Variants in SOX6 observed in about 807,000 individuals in gnomAD.
The protein encoded by SOX6 is transcription factor SOX-6.
Under a neutral mutation model 97.8 loss-of-function variants are expected in SOX6, and 11 were observed. The ratio of observed to expected loss-of-function variants is 0.11; its 90% confidence interval spans 0.07 to 0.19. The LOEUF is 0.19. Ranked by LOEUF, SOX6 falls within the 10% of genes least tolerant of loss-of-function variation. SOX6 has a pLI of 1.00. For missense variants in SOX6, 810 were observed against 1,039.5 expected, an observed-to-expected ratio of 0.78 and a Z score of 3.04; for synonymous variants, 360 against 371.4, an observed-to-expected ratio of 0.97 and a Z score of 0.35.
chr11:16,248,276 G>A (rs1853400074), intron 3 of SOX6, among the ~76,000 whole-genome samples: 1 of 112,168 alleles, frequency 8.9e-6, no homozygotes, highest in South Asian at 3.3e-4. Flanking sequence ...AGTGCAAGCT[G>A]TCGGTGGATC....
chr11:16,485,066 A>G (rs1860405843), intron 4 of SOX6, among the ~76,000 whole-genome samples: 1 of 152,090 alleles, frequency 6.6e-6, no homozygotes, highest in Admixed American at 6.5e-5. Flanking sequence ...GGATCAAGAC[A>G]TTTCTGGGTC....
intron 4 of SOX6, among the ~76,000 whole-genome samples, chr11:16,593,136 T>C (rs1337583271): frequency 6.6e-6 from 1 of 151,490 alleles, no homozygotes; most frequent in African/African-American, 2.4e-5. Flanking sequence ...CCTCACCAAT[T>C]TGAAAAAAAA....
At chr11:16,290,968 C>T (rs1452921673) in intron 3 of SOX6, among the ~76,000 whole-genome samples, 1 of 151,932 alleles carries the variant, frequency 6.6e-6, no homozygotes, top group Non-Finnish European at 1.5e-5. Context: ...ACCTGCACCT[C>T]GGGGAAGCTT....
intron 1 of SOX6, among the ~76,000 whole-genome samples, chr11:16,379,224 T>A (rs1649553408): frequency 6.6e-6 from 1 of 152,102 alleles, no homozygotes; most frequent in African/African-American, 2.4e-5. Flanking sequence ...CCCAACACTT[T>A]GGGAGGCTGA....
At position 16,132,416 on chromosome 11, in the gene SOX6, A is replaced by AG. The variant is rs1491540475; in HGVS notation, c.778-20494dup. 1.3e-4 allele frequency among the ~76,000 whole-genome samples: 15 copies of AG among 111,432 alleles called. 1 individual carries two copies. Among genetic ancestry groups the AG allele is most frequent in the African/African-American group, 4.9e-4 (12 of 24,290 alleles). The allele number at this position is 111,432 out of a possible 152,430, so 73.1% of individuals were successfully genotyped here. ...AAAGAAAGAAAAAAGAAAGAAAGAA[A>AG]GAAAGAAAGAAAGAAAGAAAGAAAG... is the stretch of plus-strand genomic sequence containing the variant. On this transcript the variant is annotated intron_variant, in intron 6 of 15. Transcript: ENST00000683767.
intron 1 of SOX6, among the ~76,000 whole-genome samples, chr11:16,737,729 G>T (rs1047704878): frequency 7.2e-5 from 11 of 152,044 alleles, no homozygotes; most frequent in Admixed American, 1.3e-4. Context: ...GAGAGAGGGC[G>T]AGAAATGGGG....
At chr11:16,453,790 C>T (rs949399678) in intron 1 of SOX6, among the ~76,000 whole-genome samples, 3 of 152,068 alleles carry the variant, frequency 2.0e-5, no homozygotes, top group African/African-American at 7.2e-5. Context: ...ATTCAAACTG[C>T]ACTCGACATC....
At chr11:16,427,584 G>GT (rs1187723174) in intron 1 of SOX6, among the ~76,000 whole-genome samples, 2 of 151,856 alleles carry the variant, frequency 1.3e-5, no homozygotes, top group Non-Finnish European at 2.9e-5. Flanking sequence ...GAGGTGTTTG[G>GT]TTTTTTGTCC....
chr11:16,349,163 G>T (rs1356048229), intron 1 of SOX6, among the ~76,000 whole-genome samples: 2 of 152,050 alleles, frequency 1.3e-5, no homozygotes, highest in African/African-American at 4.8e-5. Context: ...CATTTTAAAA[G>T]CTCTCTTAGA....
chr11:16,111,441 G>C (rs1007152031), intron 7 of SOX6, among the ~76,000 whole-genome samples: 2 of 152,058 alleles, frequency 1.3e-5, no homozygotes, highest in Non-Finnish European at 2.9e-5. Context: ...TACTGAATGT[G>C]ATCACTTTTC....
intron 3 of SOX6, among the ~76,000 whole-genome samples, chr11:16,661,798 C>A (rs1391049512): frequency 2.0e-5 from 3 of 152,146 alleles, no homozygotes; most frequent in East Asian, 1.9e-4. Flanking sequence ...GATCCTCCCA[C>A]CTTGGCCTCC....
At chr11:16,521,014 G>A (rs926128021) in intron 4 of SOX6, among the ~76,000 whole-genome samples, 1 of 152,198 alleles carries the variant, frequency 6.6e-6, no homozygotes, top group Non-Finnish European at 1.5e-5. Context: ...AGCTCAAGGA[G>A]GCCTCCCTGC....
At chr11:16,469,698 TCCTA>T (rs961282112) in intron 1 of SOX6, among the ~76,000 whole-genome samples, 1 of 152,070 alleles carries the variant, frequency 6.6e-6, no homozygotes, top group Non-Finnish European at 1.5e-5. Context: ...TACACCTAAA[TCCTA>T]CCTTATTTTG....
intron 9 of SOX6, among the ~76,000 whole-genome samples, chr11:16,083,559 G>C (rs1161570862): frequency 1.3e-5 from 2 of 152,256 alleles, no homozygotes; most frequent in Admixed American, 1.3e-4. Context: ...GAGATATACT[G>C]TCCTCTTGGC....
intron 9 of SOX6, among the ~76,000 whole-genome samples, chr11:16,061,279 A>T: frequency 6.8e-6 from 1 of 147,240 alleles, no homozygotes; most frequent in East Asian, 2.0e-4. Flanking sequence ...CAAAGAAAGA[A>T]GGCAATCCCA....
At chr11:16,313,677 T>A (rs1464881397) in intron 3 of SOX6, 1 of 152,154 alleles carries the variant, frequency 6.6e-6, no homozygotes, top group East Asian at 1.9e-4. Context: ...TATGCTATTC[T>A]ATACTATGCT....
At position 15,974,180 on chromosome 11, in the gene SOX6, G is replaced by A. The variant is rs186785522; in HGVS notation, c.2184-1068C>T. Among the ~76,000 whole-genome samples the A allele has an allele frequency of 3.2e-3, 487 of 152,182 alleles. 8 individuals are homozygous for A. Among genetic ancestry groups the A allele is most frequent in the Middle Eastern group, 0.031 (9 of 292 alleles). ...TACATATTTATACAAGCCGGGGTCA[G>A]GGAAGTTCTGGAAGGTCCTTCCACT... On this transcript the variant is annotated intron_variant, in intron 15 of 15. Transcript: ENST00000683767.
At chr11:16,487,688 G>A (rs1328953320) in intron 4 of SOX6, among the ~76,000 whole-genome samples, 3 of 152,118 alleles carry the variant, frequency 2.0e-5, no homozygotes, top group Non-Finnish European at 4.4e-5. Context: ...AAAAACTAAG[G>A]CAGGGCCATT....
chr11:16,086,069 T>C (rs1267149450), intron 9 of SOX6, among the ~76,000 whole-genome samples: 2 of 152,202 alleles, frequency 1.3e-5, no homozygotes, highest in East Asian at 3.9e-4. Context: ...AGATGCTGAA[T>C]CTTCTATGGC....
Sources: gnomAD v4.1 joint callset for allele counts (sites outside exome capture counted in the v4.1 genomes callset) on GRCh38, gnomAD v4.1.1 for gene constraint, MANE v1.5 for transcripts, NCBI Gene and HGNC (gene_info 2026-07-23, HGNC 2026-07-21) for gene names.